The following KLHL10 variants were observed in gnomAD, a reference collection of about 807,000 sequenced individuals.
KLHL10 encodes the protein kelch like family member 10, also known as kelch-like protein 10.
KLHL10 carries 11 observed loss-of-function variants against 46.6 expected under a neutral mutation model. That is an observed-to-expected ratio of 0.24 (90% confidence interval 0.15 to 0.39). The LOEUF (loss-of-function observed/expected upper bound fraction) is 0.39, where lower values mean the gene tolerates loss of function less well. Among genes scored for constraint, KLHL10 ranks in the 10% least tolerant of loss-of-function variants. The probability of loss-of-function intolerance (pLI) is 1.00; values close to 1 mark genes in which losing one functional copy is unlikely to be tolerated. For missense variants in KLHL10, 475 were observed against 789.8 expected (o/e 0.60, Z 4.78); for synonymous variants, 254 against 279.1 (o/e 0.91, Z 0.90).
rs782785908 is a variant in KLHL10, at chr17:41,838,085, T to C, written c.153T>C (p.Ser51=). 6.2e-6 allele frequency: 10 copies of C among 1,614,078 alleles called. No homozygotes were observed. The Admixed American group carries it at 6.7e-5, about 11-fold the overall frequency. ...TCAAGGTCAATGGCTTTGAGTTCAGTGCCCATAAGAACATCCTCTGTAGCT... is the reference window on the plus strand; with the variant it reads ...TCAAGGTCAATGGCTTTGAGTTCAGCGCCCATAAGAACATCCTCTGTAGCT... ...VVIKVNGFEF[S]AHKNILCSCS... is the part of the protein sequence containing the mutation. Residue 51 remains serine (S), a synonymous_variant, in exon 1 of 5, where the codon AGT becomes AGC. Coordinates refer to ENST00000293303, the MANE Select transcript of KLHL10 (RefSeq NM_152467.5).
intron 4 of KLHL10, 149 bp downstream of exon 4, chr17:41,847,559 G>GTA: frequency 1.1e-6 from 1 of 922,306 alleles, no homozygotes; most frequent in Non-Finnish European, 1.7e-6. Context: ...AGGCTGTACT[G>GTA]CAGTGGCAGG....
intron 3 of KLHL10, among the ~76,000 whole-genome samples, chr17:41,846,137 G>A (rs1277243466): frequency 2.0e-5 from 3 of 151,748 alleles, no homozygotes; most frequent in South Asian, 2.1e-4. Context: ...CTTGAACCCC[G>A]GAGGCAGAGG....
At chr17:41,837,698 T>TG, upstream of KLHL10, 1 of 1,232,478 alleles carries the variant, frequency 8.1e-7, no homozygotes, top group Non-Finnish European at 1.1e-6. Flanking sequence ...TCAGCCTAAG[T>TG]GGGGTGGTAA....
intron 1 of KLHL10, among the ~76,000 whole-genome samples, chr17:41,839,150 C>A (rs2048201694): frequency 6.6e-6 from 1 of 152,118 alleles, no homozygotes; most frequent in Non-Finnish European, 1.5e-5. Flanking sequence ...CGCCACCATG[C>A]CCAGCTAATT....
In KLHL10 at chr17:41,848,161, A is replaced by C. The variant is rs375416658; in HGVS notation, c.1681A>C (p.Ser561Arg). The change falls in exon 5 of 5, where the codon AGT becomes CGT. Residue 561 changes from serine (S) to arginine (R), a missense_variant. Coordinates refer to ENST00000293303, the MANE Select transcript of KLHL10 (RefSeq NM_152467.5). ...TGAGTGGTATGATGCTCATGACATGAGTATATACCGCAGTGCTCTGAGCTG... is the reference window on the plus strand; with the variant it reads ...TGAGTGGTATGATGCTCATGACATGCGTATATACCGCAGTGCTCTGAGCTG... ...TDEWYDAHDM[S>R]IYRSALSCCV... The C allele has an allele frequency of 1.2e-6, 2 of 1,614,108 alleles. No individual in the cohort carries two copies. The highest frequency in any genetic ancestry group is 1.7e-6 in the Non-Finnish European group (2 of 1,180,028).
chr17:41,837,775 A>C, upstream of KLHL10: 5 of 1,456,284 alleles, frequency 3.4e-6, no homozygotes, highest in South Asian at 7.0e-5. Flanking sequence ...ATCCTGTGTG[A>C]TCTCACTGCA....
At chr17:41,847,870 G>T in intron 4 of KLHL10, 63 bp from the exon 5 acceptor site, 6 of 1,604,532 alleles carry the variant, frequency 3.7e-6, no homozygotes, top group Non-Finnish European at 5.1e-6. Context: ...CCCCCAACAA[G>T]GGCTTCCTCA....
chr17:41,844,218 C>A (rs2048257098), intron 2 of KLHL10, among the ~76,000 whole-genome samples: 1 of 148,888 alleles, frequency 6.7e-6, no homozygotes, highest in Non-Finnish European at 1.5e-5. Context: ...CGGCACCATG[C>A]CTGGCTAATT....
At position 41,848,029 on chromosome 17, in the gene KLHL10, C is replaced by T. The variant is rs2048308007; in HGVS notation, c.1549C>T (p.Arg517Cys). 4 of 1,614,204 alleles carry T rather than the reference C, an allele frequency of 2.5e-6. No individual in the cohort carries two copies. The highest frequency in any genetic ancestry group is 1.7e-5 in the Admixed American group (1 of 60,006). Reference protein sequence around the residue: ...WRTIPTMFNPRSNFGIEVVDD... With the variant: ...WRTIPTMFNPCSNFGIEVVDD... The stretch of plus-strand genomic sequence containing the variant: ...CACAATCCCCACTATGTTTAATCCT[C>T]GTAGCAATTTTGGCATCGAGGTGGT... Residue 517 changes from arginine (R) to cysteine (C), a missense_variant, in exon 5 of 5, where the codon CGT (arginine) becomes TGT (cysteine). Arg to Cys is a radical substitution (Grantham distance 180). Transcript: ENST00000293303.
intron 3 of KLHL10, among the ~76,000 whole-genome samples, chr17:41,846,303 A>C (rs573340007): frequency 3.9e-4 from 60 of 152,184 alleles, no homozygotes; most frequent in African/African-American, 1.4e-3. Flanking sequence ...CGGGAGGATC[A>C]CAAGGTCAGG....
At chr17:41,837,029 G>C (rs1159163363), upstream of KLHL10, among the ~76,000 whole-genome samples, 1 of 152,152 alleles carries the variant, frequency 6.6e-6, no homozygotes, top group African/African-American at 2.4e-5. Context: ...GGCACGGTGC[G>C]GAGCACTTGT....
At chr17:41,841,780 A>T in intron 1 of KLHL10, 43 bp from the exon 2 acceptor site, 1 of 1,613,382 alleles carries the variant, frequency 6.2e-7, no homozygotes, top group African/African-American at 1.3e-5. Context: ...ACCTAACAGG[A>T]GAGAAATGTT....
chr17:41,835,707 C>A (rs1415271342), upstream of KLHL10: 2 of 837,316 alleles, frequency 2.4e-6, no homozygotes, highest in South Asian at 2.9e-5. Flanking sequence ...TTAGGACAGG[C>A]GAACCAACCC....
rs576005124 is a variant in KLHL10 at position 41,841,702 on chromosome 17, GTTC to G, written c.195-115_195-113del. 258 of 1,131,358 alleles carry G rather than the reference GTTC, an allele frequency of 2.3e-4. No individual in the cohort carries two copies. The African/African-American group carries it at 3.1e-3, about 13-fold the overall frequency. The allele number at this position is 1,131,358 out of a possible 1,614,324, so 70.1% of individuals were successfully genotyped here. ...CCAAAGTCAGAGTTCTTGGAAAGGT[GTTC>G]TTCTTGTCCACTGTATATAGCACAT... On this transcript the variant is annotated intron_variant, in intron 1 of 4. Transcript: ENST00000293303.
At chr17:41,837,143 A>G (rs1306018667), upstream of KLHL10, among the ~76,000 whole-genome samples, 1 of 152,180 alleles carries the variant, frequency 6.6e-6, no homozygotes, top group African/African-American at 2.4e-5. Context: ...CCTGGGTGAG[A>G]GAGCGAGACC....
intron 2 of KLHL10, among the ~76,000 whole-genome samples, chr17:41,843,511 CA>C (rs879983952): frequency 0.093 from 8,945 of 95,766 alleles, 872 homozygotes; most frequent in African/African-American, 0.28. Context: ...CTCAAATTAA[CA>C]AAAAAAAAAA....
intron 1 of KLHL10, among the ~76,000 whole-genome samples, chr17:41,839,337 C>G (rs543813705): frequency 6.6e-6 from 1 of 152,260 alleles, no homozygotes; most frequent in African/African-American, 2.4e-5. Context: ...ATTGGTGGGC[C>G]AGGTGCTTTA....
At chr17:41,846,086 C>T (rs1173687582) in intron 3 of KLHL10, among the ~76,000 whole-genome samples, 1 of 151,822 alleles carries the variant, frequency 6.6e-6, no homozygotes, top group Non-Finnish European at 1.5e-5. Context: ...TGGCGGGCGC[C>T]TGTAATCCCA....
chr17:41,841,863 G>A lies in KLHL10; in HGVS notation c.235G>A (p.Val79Ile). Residue 79 changes from valine (V) to isoleucine (I), a missense_variant, in exon 2 of 5, where the codon GTA (valine) becomes ATA (isoleucine). Transcript: ENST00000293303. Reference protein sequence around the residue: ...TSGWNNTEKKVYNIPGISPDM... With the variant: ...TSGWNNTEKKIYNIPGISPDM... ...TGGCTGGAACAACACTGAAAAGAAG[G>A]TATACAACATCCCTGGCATTTCTCC... 6.2e-7 allele frequency: 1 copy of A among 1,614,178 alleles called. No homozygotes were observed. The highest frequency in any genetic ancestry group is 8.5e-7 in the Non-Finnish European group (1 of 1,180,038).
Sources: gnomAD v4.1 joint callset for allele counts (sites outside exome capture counted in the v4.1 genomes callset) on GRCh38, gnomAD v4.1.1 for gene constraint, MANE v1.5 for transcripts, NCBI Gene and HGNC (gene_info 2026-07-23, HGNC 2026-07-21) for gene names.